Variants in ARHGEF26 observed in about 807,000 individuals in gnomAD.
ARHGEF26 encodes the protein Rho guanine nucleotide exchange factor 26, also known as Rho guanine nucleotide exchange factor (GEF) 26.
In ARHGEF26, 59 loss-of-function variants were observed where a neutral mutation model predicts 89.4. The ratio of observed to expected loss-of-function variants is 0.66; its 90% confidence interval spans 0.54 to 0.82. The LOEUF (loss-of-function observed/expected upper bound fraction) is 0.82. Among genes scored for constraint, ARHGEF26 ranks in the 40% least tolerant of loss-of-function variants. ARHGEF26 has a pLI of 0.00. For missense variants in ARHGEF26, 1,234 were observed against 1,085.6 expected (o/e 1.14, Z -1.92); for synonymous variants, 500 against 428.4 (o/e 1.17, Z -2.06).
At chr3:154,194,553 T>A (rs1714164483) in intron 8 of ARHGEF26, 91 bp from the exon 9 acceptor site, 1 of 884,312 alleles carries the variant, frequency 1.1e-6, no homozygotes, top group Non-Finnish European at 1.8e-6. Flanking sequence ...TGGCATTGTT[T>A]GCTATGAGTA....
intron 12 of ARHGEF26, among the ~76,000 whole-genome samples, chr3:154,243,995 T>C (rs1463316358): frequency 6.6e-6 from 1 of 152,216 alleles, no homozygotes; most frequent in East Asian, 1.9e-4. Flanking sequence ...CTTCCAACAT[T>C]TGTGAAATGC....
chr3:154,224,354 T>G (rs1319842827), intron 10 of ARHGEF26, among the ~76,000 whole-genome samples: 1 of 152,194 alleles, frequency 6.6e-6, no homozygotes, highest in African/African-American at 2.4e-5. Flanking sequence ...AAATTTAGTT[T>G]TGCCCCTAGT....
rs1559873622 is a variant in ARHGEF26 at position 154,167,572 on chromosome 3, A to G, written c.1487+14640A>G. ...TTATATTTGCAAGTAACTTCATTAA[A>G]TGGGCACCTGGGATGTATGGAACAG... On this transcript the variant is annotated intron_variant, in intron 6 of 14. Coordinates refer to ENST00000465093, the MANE Select transcript of ARHGEF26 (RefSeq NM_015595.4). Among the ~76,000 whole-genome samples the G allele has an allele frequency of 2.6e-5, 4 of 152,324 alleles. No homozygotes were observed. The South Asian group carries it at 8.3e-4, about 32-fold the overall frequency.
At chr3:154,196,659 A>G (rs1209684489) in intron 9 of ARHGEF26, among the ~76,000 whole-genome samples, 1 of 152,164 alleles carries the variant, frequency 6.6e-6, no homozygotes, top group Non-Finnish European at 1.5e-5. Flanking sequence ...TGGTCTGCAC[A>G]CCTATTTTGG....
chr3:154,129,639 G>C lies in ARHGEF26; in HGVS notation c.1189G>C (p.Glu397Gln). 1.2e-6 allele frequency: 2 copies of C among 1,611,696 alleles called. No homozygotes were observed. The highest frequency in any genetic ancestry group is 8.5e-7 in the Non-Finnish European group (1 of 1,178,820). The change falls in exon 4 of 15, where the codon GAG becomes CAG. Residue 397 changes from glutamate to glutamine, a missense_variant. Transcript: ENST00000465093. ...ALDIDSDEES[E>Q]PKEQKSDEKI... is the part of the protein sequence containing the mutation. ...TGACATTGATTCTGATGAAGAGTCA[G>C]AGCCCAAAGAACAGAAGTCAGATGA...
At chr3:154,211,684 G>A (rs920502969) in intron 9 of ARHGEF26, among the ~76,000 whole-genome samples, 12 of 152,110 alleles carry the variant, frequency 7.9e-5, no homozygotes, top group African/African-American at 2.9e-4. Context: ...TCCTTGAAGA[G>A]GGTAGTGGGG....
chr3:154,242,315 G>A (rs747192747), intron 12 of ARHGEF26, among the ~76,000 whole-genome samples: 18 of 152,176 alleles, frequency 1.2e-4, no homozygotes, highest in Non-Finnish European at 2.2e-4. Context: ...ATAATTTCAT[G>A]GGAGGAGATC....
At position 154,122,146 on chromosome 3, in the gene ARHGEF26, C is replaced by G. The variant is rs776239658; in HGVS notation, c.154C>G (p.Pro52Ala). The G allele has an allele frequency of 6.2e-7, 1 of 1,602,556 alleles. No homozygotes were observed. The highest frequency in any genetic ancestry group is 1.1e-5 in the South Asian group (1 of 89,300). The change falls in exon 2 of 15, where the codon CCG becomes GCG. Residue 52 changes from proline (P) to alanine (A), a missense_variant. Pro to Ala is a conservative substitution (Grantham distance 27). Transcript: ENST00000465093. ...CAACGGGTTACTAATTACGGATTTC[C>G]CGGTGGAGGACGGAGGGACGCTCCT... ...SPNGLLITDF[P>A]VEDGGTLLAA...
chr3:154,161,892 T>C (rs1433261525), intron 6 of ARHGEF26, among the ~76,000 whole-genome samples: 1 of 152,188 alleles, frequency 6.6e-6, no homozygotes, highest in African/African-American at 2.4e-5. Flanking sequence ...ATGCTTCAGC[T>C]GCCAATTAGA....
intron 3 of ARHGEF26, among the ~76,000 whole-genome samples, chr3:154,127,358 T>G (rs1223034915): frequency 6.6e-6 from 1 of 152,202 alleles, no homozygotes; most frequent in Non-Finnish European, 1.5e-5. Flanking sequence ...TTCCATAAGC[T>G]TTTTCCTATT....
At chr3:154,240,275 C>T in intron 11 of ARHGEF26, 95 bp from the exon 12 acceptor site, 2 of 841,520 alleles carry the variant, frequency 2.4e-6, no homozygotes, top group Non-Finnish European at 3.7e-6. Flanking sequence ...TTCCTGCCCA[C>T]TCCTTGCTGT....
intron 6 of ARHGEF26, among the ~76,000 whole-genome samples, chr3:154,169,445 A>C (rs964712889): frequency 6.6e-6 from 1 of 151,592 alleles, no homozygotes; most frequent in Admixed American, 6.6e-5. Context: ...GCCTTTTCTT[A>C]TACTATAAAC....
chr3:154,226,037 T>C (rs1322964528), intron 11 of ARHGEF26, 27 bp downstream of exon 11: 3 of 1,588,120 alleles, frequency 1.9e-6, no homozygotes, highest in East Asian at 2.3e-5. Flanking sequence ...TGTTGCTGAC[T>C]AGACATTCCA....
intron 6 of ARHGEF26, among the ~76,000 whole-genome samples, chr3:154,156,534 T>C (rs1000128224): frequency 2.0e-5 from 3 of 152,202 alleles, no homozygotes; most frequent in Admixed American, 6.5e-5. Flanking sequence ...ATCTCTGTTA[T>C]ATTTCAACTA....
Position 154,122,703 on chromosome 3 carries a change from A to C in ARHGEF26, c.711A>C (p.Thr237=), listed in dbSNP as rs1213497381. 6.2e-7 allele frequency: 1 copy of C among 1,613,652 alleles called. No individual in the cohort carries two copies. Among genetic ancestry groups the C allele is most frequent in the East Asian group, 2.2e-5 (1 of 44,878 alleles). ...LLENPSVVLS[T]NSPAALKVGK... ...AGAATCCTTCCGTGGTTTTGAGTAC[A>C]AACAGCCCCGCCGCCCTCAAAGTGG... The change falls in exon 2 of 15, where the codon ACA becomes ACC. Residue 237 remains threonine, a synonymous_variant. Transcript: ENST00000465093.
At chr3:154,153,846 T>C (rs1003478116) in intron 6 of ARHGEF26, among the ~76,000 whole-genome samples, 4 of 151,566 alleles carry the variant, frequency 2.6e-5, no homozygotes, top group African/African-American at 9.7e-5. Context: ...TGCTCCTTAC[T>C]TTTTTTTACC....
At position 154,187,746 on chromosome 3, in the gene ARHGEF26, A is replaced by G; in HGVS notation, c.1549A>G (p.Ile517Val). ...TATCTTCATAGATGACATAAGTGAC[A>G]TTGTGGAAAAACACACAGCATCCAC... ...NNIFIDDISD[I>V]VEKHTASTFD... Residue 517 changes from isoleucine (I) to valine (V), a missense_variant, in exon 7 of 15, where the codon ATT becomes GTT. By Grantham distance (29) the Ile-to-Val change is conservative (BLOSUM62 3). Coordinates refer to ENST00000465093, the MANE Select transcript of ARHGEF26 (RefSeq NM_015595.4). 6.2e-7 allele frequency: 1 copy of G among 1,612,084 alleles called. No homozygotes were observed. Among genetic ancestry groups the G allele is most frequent in the Non-Finnish European group, 8.5e-7 (1 of 1,178,920 alleles).
intron 6 of ARHGEF26, among the ~76,000 whole-genome samples, chr3:154,158,378 G>A (rs753144950): frequency 7.9e-5 from 12 of 152,124 alleles, no homozygotes; most frequent in Admixed American, 2.0e-4. Context: ...ACAATTGTTT[G>A]TTTTCTAACC....
chr3:154,214,831 A>G (rs1446723438), intron 9 of ARHGEF26, among the ~76,000 whole-genome samples: 1 of 152,104 alleles, frequency 6.6e-6, no homozygotes, highest in Non-Finnish European at 1.5e-5. Flanking sequence ...TCACACCTAG[A>G]TATTTTGGCT....
Sources: gnomAD v4.1 joint callset for allele counts (sites outside exome capture counted in the v4.1 genomes callset) on GRCh38, gnomAD v4.1.1 for gene constraint, MANE v1.5 for transcripts, NCBI Gene and HGNC (gene_info 2026-07-23, HGNC 2026-07-21) for gene names.